CLEC17A: variants seen among roughly 807,000 people sequenced by gnomAD.
CLEC17A encodes the protein C-type lectin domain containing 17A, also known as C-type lectin domain family 17, member A.
A neutral mutation model predicts 61.3 loss-of-function variants in CLEC17A; 37 were observed. That is an observed-to-expected ratio of 0.60 (90% confidence interval 0.46 to 0.79). CLEC17A has a LOEUF of 0.79. Among genes scored for constraint, CLEC17A ranks in the 30% least tolerant of loss-of-function variants. The pLI, the probability that CLEC17A is intolerant of heterozygous loss-of-function variation, is 0.00. For synonymous variants in CLEC17A, 168 were observed against 164.9 expected, an observed-to-expected ratio of 1.02 and a Z score of -0.14; for missense variants, 418 against 464.7, an observed-to-expected ratio of 0.90 and a Z score of 0.92.
At position 14,583,205 on chromosome 19, in the gene CLEC17A, T is replaced by A; in HGVS notation, c.43+2T>A. ...TCACTGGGTACCCGGACCCACCAGG[T>A]AAGGCCCCGGCCAGGCTGGGGCTGG... On this transcript the variant is annotated splice_donor_variant, in intron 1 of 13. Transcript: ENST00000417570. LOFTEE classifies it high-confidence loss of function. 1 of 1,613,844 alleles carries A rather than the reference T, an allele frequency of 6.2e-7. No homozygotes were observed. The highest frequency in any genetic ancestry group is 8.5e-7 in the Non-Finnish European group (1 of 1,179,854).
chr19:14,594,571 A>G (rs775852314), intron 5 of CLEC17A, 22 bp downstream of exon 5: 1 of 1,612,198 alleles, frequency 6.2e-7, no homozygotes, highest in South Asian at 1.1e-5. Flanking sequence ...CTGGGGGTGT[A>G]GGAGACCCAG....
At chr19:14,605,828 T>C (rs1177763096) in intron 12 of CLEC17A, among the ~76,000 whole-genome samples, 1 of 152,132 alleles carries the variant, frequency 6.6e-6, no homozygotes, top group African/African-American at 2.4e-5. Flanking sequence ...AGCCTTGAAC[T>C]CCTGGGCTTA....
rs888525045 is a variant in CLEC17A at position 14,611,860 on chromosome 19, T to C, written c.*1664T>C. On this transcript the variant is annotated 3_prime_UTR_variant, in exon 14 of 14. Coordinates refer to ENST00000417570, the MANE Select transcript of CLEC17A (RefSeq NM_001204118.2). ...CTACTAAAAATACAAAAAAATTAGC[T>C]GGGCGTGGTGGCATGTGCCTGTAAT... is the stretch of plus-strand genomic sequence containing the variant. Among the ~76,000 whole-genome samples, 18 of 151,894 alleles carry C rather than the reference T, an allele frequency of 1.2e-4. No homozygotes were observed. Among genetic ancestry groups the C allele is most frequent in the Non-Finnish European group, 2.4e-4 (16 of 67,970 alleles).
At chr19:14,595,030 C>T (rs952765283) in intron 7 of CLEC17A, among the ~76,000 whole-genome samples, 1 of 152,144 alleles carries the variant, frequency 6.6e-6, no homozygotes. Context: ...AACCACCACA[C>T]CTGGCTAAGT....
Position 14,610,595 on chromosome 19 carries a change from C to A in CLEC17A, c.*399C>A, listed in dbSNP as rs1263795978. Reference sequence around the variant, plus strand: ...AAGAGCTGGGACTGGGCTCCTTTTCCTGCAGCCTCAAACTTCTGGGCTCAG... The same window carrying A: ...AAGAGCTGGGACTGGGCTCCTTTTCATGCAGCCTCAAACTTCTGGGCTCAG... On this transcript the variant is annotated 3_prime_UTR_variant, in exon 14 of 14. Coordinates refer to ENST00000417570, the MANE Select transcript of CLEC17A (RefSeq NM_001204118.2). 1 of 183,518 alleles carries A rather than the reference C, an allele frequency of 5.4e-6. No individual in the cohort carries two copies. Among genetic ancestry groups the A allele is most frequent in the Non-Finnish European group, 1.2e-5 (1 of 86,548 alleles). 11.4% of individuals were successfully genotyped at this position (183,518 alleles called of 1,614,324 possible). A position where few individuals can be genotyped will look rare whatever the true frequency, so the allele number is the denominator to read the frequency against.
intron 13 of CLEC17A, among the ~76,000 whole-genome samples, chr19:14,608,023 A>C (rs1453842516): frequency 1.3e-5 from 2 of 151,108 alleles, no homozygotes; most frequent in East Asian, 3.9e-4. Flanking sequence ...GTCACACACC[A>C]CCATGCCTGG....
chr19:14,584,488 C>T (rs1240898605), intron 2 of CLEC17A: 1 of 152,048 alleles, frequency 6.6e-6, no homozygotes, highest in East Asian at 1.9e-4. Flanking sequence ...TCCCGGAGGC[C>T]CAAAACAGAA....
chr19:14,603,310 C>G (rs2074769817), intron 12 of CLEC17A, among the ~76,000 whole-genome samples: 1 of 152,136 alleles, frequency 6.6e-6, no homozygotes, highest in Admixed American at 6.6e-5. Context: ...AAACTGGTAT[C>G]TACTGGGACA....
At position 14,594,513 on chromosome 19, in the gene CLEC17A, C is replaced by G. The variant is rs1203436148; in HGVS notation, c.278-4C>G. 9 of 1,582,094 alleles carry G rather than the reference C, an allele frequency of 5.7e-6. No homozygotes were observed. Among genetic ancestry groups the G allele is most frequent in the Admixed American group, 5.6e-5 (3 of 53,964 alleles). On this transcript the variant is annotated splice_region_variant and splice_polypyrimidine_tract_variant and intron_variant, in intron 4 of 13. Coordinates refer to ENST00000417570, the MANE Select transcript of CLEC17A (RefSeq NM_001204118.2). ...AGCCCTCACCCTGAGCTTCTCTTCT[C>G]CAGGTTCAAGTGCTCCACCAAGACC... is the stretch of plus-strand genomic sequence containing the variant.
Position 14,593,893 on chromosome 19 carries a change from C to T in CLEC17A, c.278-624C>T, listed in dbSNP as rs190598738. ...AGGAGAATGGCGTGAACCTGGGAGG[C>T]GGAGGTTGCAGTGAGCCAAGATCGC... On this transcript the variant is annotated intron_variant, in intron 4 of 13. Transcript: ENST00000417570. 2.2e-4 allele frequency among the ~76,000 whole-genome samples: 34 copies of T among 152,068 alleles called. 1 individual carries two copies. The Middle Eastern group carries it at 0.014, about 61-fold the overall frequency.
intron 2 of CLEC17A, among the ~76,000 whole-genome samples, chr19:14,586,887 C>CTTTTTT (rs200760633): frequency 7.2e-6 from 1 of 139,228 alleles, no homozygotes; most frequent in African/African-American, 3.0e-5. Context: ...TTCTTTCTTT[C>CTTTTTT]TTTCTTTTTT....
intron 2 of CLEC17A, chr19:14,584,179 G>T (rs1019471007): frequency 1.3e-5 from 2 of 152,086 alleles, no homozygotes; most frequent in African/African-American, 2.4e-5. Flanking sequence ...AGTTCTGGGC[G>T]ATTGTGAACT....
intron 12 of CLEC17A, among the ~76,000 whole-genome samples, chr19:14,604,030 C>A (rs939428028): frequency 6.6e-6 from 1 of 152,176 alleles, no homozygotes; most frequent in African/African-American, 2.4e-5. Flanking sequence ...CCTTTTGGGC[C>A]TGGAGGTCTT....
rs1237464137 is a variant in CLEC17A, at chr19:14,606,977, GA to G, written c.895-14del. ...ATGTAGAGGAATGGCTGGCTGAATG[GA>G]ATTTTTATTTGCAGAATTTTGTGGC... On this transcript the variant is annotated splice_polypyrimidine_tract_variant and intron_variant, in intron 12 of 13. Coordinates refer to ENST00000417570, the MANE Select transcript of CLEC17A (RefSeq NM_001204118.2). 4.0e-6 allele frequency: 5 copies of G among 1,255,910 alleles called. No individual in the cohort carries two copies. The highest frequency in any genetic ancestry group is 2.0e-4 in the Middle Eastern group (1 of 4,932). The allele number at this position is 1,255,910 out of a possible 1,614,324, so 77.8% of individuals were successfully genotyped here. A position where few individuals can be genotyped will look rare whatever the true frequency, so the allele number is the denominator to read the frequency against.
chr19:14,600,880 C>G (rs369336572), intron 12 of CLEC17A, among the ~76,000 whole-genome samples: 1 of 142,530 alleles, frequency 7.0e-6, no homozygotes, highest in Non-Finnish European at 1.5e-5. Context: ...TGAGCCACCA[C>G]GCTCGGCCTT....
intron 11 of CLEC17A, 71 bp from the exon 12 acceptor site, chr19:14,599,960 C>CTGTACATGGCATACTA: frequency 6.3e-7 from 1 of 1,575,508 alleles, no homozygotes; most frequent in Non-Finnish European, 8.7e-7. Context: ...GCCTGCACAA[C>CTGTACATGGCATACTA]TGTACATGGC....
intron 13 of CLEC17A, among the ~76,000 whole-genome samples, chr19:14,608,868 T>C (rs2074974767): frequency 6.6e-6 from 1 of 151,568 alleles, no homozygotes; most frequent in Admixed American, 6.6e-5. Flanking sequence ...GGCACAATCT[T>C]GGCTCACTGC....
intron 12 of CLEC17A, among the ~76,000 whole-genome samples, chr19:14,604,666 G>A (rs1001828995): frequency 6.6e-6 from 1 of 151,704 alleles, no homozygotes; most frequent in South Asian, 2.1e-4. Context: ...AGGAGGCTGA[G>A]GCAGGAAAAT....
Position 14,599,797 on chromosome 19 carries a change from C to G in CLEC17A, c.727C>G (p.Leu243Val), listed in dbSNP as rs763362627. Residue 243 changes from leucine to valine, a missense_variant, in exon 11 of 14, where the codon CTT becomes GTT. Transcript: ENST00000417570. Reference sequence around the variant, plus strand: ...TGACACCAACCAGTCCCTGGTGGAACTTTGGGGCTTATTAGGTAAGTGAGA... The same window carrying G: ...TGACACCAACCAGTCCCTGGTGGAAGTTTGGGGCTTATTAGGTAAGTGAGA... ...RADTNQSLVE[L>V]WGLLDCRRIT... The G allele has an allele frequency of 8.1e-6, 13 of 1,613,492 alleles. No homozygotes were observed. Among genetic ancestry groups the G allele is most frequent in the Non-Finnish European group, 1.1e-5 (13 of 1,179,588 alleles).
Sources: gnomAD v4.1 joint callset for allele counts (sites outside exome capture counted in the v4.1 genomes callset) on GRCh38, gnomAD v4.1.1 for gene constraint, MANE v1.5 for transcripts, NCBI Gene and HGNC (gene_info 2026-07-23, HGNC 2026-07-21) for gene names.